The following FLT3 variants were observed in gnomAD, a reference collection of about 807,000 sequenced individuals.
The protein encoded by FLT3 is fms related receptor tyrosine kinase 3.
Under a neutral mutation model 126.6 loss-of-function variants are expected in FLT3, and 46 were observed. The observed-to-expected ratio is 0.36, with a 90% CI of 0.29 to 0.46. FLT3 has a LOEUF of 0.46. FLT3 is among the 20% of genes least tolerant of loss of function. FLT3 has a pLI of 1.00. For synonymous variants in FLT3, 404 were observed against 434.4 expected, an observed-to-expected ratio of 0.93 and a Z score of 0.87; for missense variants, 1,069 against 1,190.3, an observed-to-expected ratio of 0.90 and a Z score of 1.50.
chr13:28,028,710 TA>T (rs1463340406), intron 15 of FLT3, among the ~76,000 whole-genome samples: 6 of 151,060 alleles, frequency 4.0e-5, no homozygotes, highest in Non-Finnish European at 8.8e-5. Context: ...AATAAATAAA[TA>T]AATAAACAAA....
intron 3 of FLT3, among the ~76,000 whole-genome samples, chr13:28,057,693 G>A (rs1218878004): frequency 4.6e-5 from 7 of 151,960 alleles, no homozygotes; most frequent in East Asian, 1.9e-4. Flanking sequence ...GCTCCATTCC[G>A]GTGCCATCAT....
In FLT3 at chr13:28,035,630, T is replaced by C; in HGVS notation, c.1462A>G (p.Asn488Asp). 1.2e-6 allele frequency: 2 copies of C among 1,614,114 alleles called. No individual in the cohort carries two copies. The highest frequency in any genetic ancestry group is 2.2e-5 in the South Asian group (2 of 91,048). ...ACCCACTGTCCAAACACTTTTCTGT[T>C]AGCCTTTCTATTCCAGACTCCTTCT... ...ITEGVWNRKA[N>D]RKVFGQWVSS... Residue 488 changes from asparagine (N) to aspartate (D), a missense_variant, in exon 12 of 24, where the codon AAC becomes GAC. Transcript: ENST00000241453.
chr13:28,086,922 C>G (rs972517884), intron 1 of FLT3, among the ~76,000 whole-genome samples: 2 of 151,882 alleles, frequency 1.3e-5, no homozygotes, highest in African/African-American at 4.8e-5. Context: ...GCTAGGATTG[C>G]AGGCATGAAC....
Position 28,015,864 on chromosome 13 carries a change from A to G in FLT3, c.2542-163T>C, listed in dbSNP as rs564989039. Among the ~76,000 whole-genome samples the G allele has an allele frequency of 3.7e-4, 57 of 152,286 alleles. No homozygotes were observed. In the South Asian group the frequency reaches 0.012, roughly 31 times the overall value. Reference sequence around the variant, plus strand: ...GTGAAAGGTTTTCACTTTCAAATTAACATTCTAATAATACTAGCCTAAAAC... The same window carrying G: ...GTGAAAGGTTTTCACTTTCAAATTAGCATTCTAATAATACTAGCCTAAAAC... On this transcript the variant is annotated intron_variant, in intron 20 of 23. Transcript: ENST00000241453.
chr13:28,075,801 A>AT (rs34694672), intron 1 of FLT3, among the ~76,000 whole-genome samples: 102,525 of 146,150 alleles, frequency 0.7, 37,654 homozygotes, highest in East Asian at 0.95. Context: ...TCTCTTAGCA[A>AT]TTTTTTTTTT....
chr13:28,026,985 C>T, intron 17 of FLT3, 103 bp downstream of exon 17: 1 of 971,678 alleles, frequency 1.0e-6, no homozygotes, highest in South Asian at 1.6e-5. Context: ...GACCCACAGA[C>T]TTCACGGTGC....
At chr13:28,071,547 C>T (rs1877518537) in intron 1 of FLT3, among the ~76,000 whole-genome samples, 1 of 151,944 alleles carries the variant, frequency 6.6e-6, no homozygotes, top group Non-Finnish European at 1.5e-5. Flanking sequence ...AGATATTTTC[C>T]CCAAATGACT....
chr13:28,078,754 C>T (rs958488773), intron 1 of FLT3, among the ~76,000 whole-genome samples: 3 of 150,984 alleles, frequency 2.0e-5, no homozygotes, highest in African/African-American at 7.3e-5. Context: ...CACTCTGTCA[C>T]CCAGGCTGGA....
At chr13:28,039,023 A>G (rs942807627) in intron 9 of FLT3, among the ~76,000 whole-genome samples, 1 of 152,082 alleles carries the variant, frequency 6.6e-6, no homozygotes, top group African/African-American at 2.4e-5. Flanking sequence ...TAGAGGAGGT[A>G]GAGCTCGAGC....
At chr13:28,040,483 C>A (rs1485974221) in intron 9 of FLT3, among the ~76,000 whole-genome samples, 1 of 152,062 alleles carries the variant, frequency 6.6e-6, no homozygotes, top group Non-Finnish European at 1.5e-5. Context: ...GGGTGGACTG[C>A]TTGAGGCCAG....
intron 23 of FLT3, among the ~76,000 whole-genome samples, chr13:28,013,587 G>A (rs746695342): frequency 2.6e-5 from 4 of 152,180 alleles, no homozygotes; most frequent in African/African-American, 4.8e-5. Context: ...TGGGGGAAGC[G>A]TTAGCAAAGA....
chr13:28,033,851 G>A, intron 15 of FLT3, 36 bp downstream of exon 15: 1 of 1,468,032 alleles, frequency 6.8e-7, no homozygotes. Flanking sequence ...TCCCATTTTT[G>A]TGCATCTTTG....
chr13:28,026,080 G>A (rs1373568033), intron 17 of FLT3, among the ~76,000 whole-genome samples: 1 of 152,114 alleles, frequency 6.6e-6, no homozygotes, highest in Non-Finnish European at 1.5e-5. Context: ...GCCAGGTGCG[G>A]TGGCTCATGC....
intron 3 of FLT3, among the ~76,000 whole-genome samples, chr13:28,060,240 C>A (rs867055355): frequency 6.1e-3 from 684 of 112,616 alleles, no homozygotes; most frequent in Non-Finnish European, 7.2e-3. Flanking sequence ...ACTAAAAATA[C>A]AAAAAAAAAA....
intron 16 of FLT3, 119 bp downstream of exon 16, chr13:28,028,059 A>T: frequency 1.5e-6 from 1 of 650,954 alleles, no homozygotes; most frequent in Non-Finnish European, 2.8e-6. Context: ...GAGAGTTCAC[A>T]CTGTGACTGA....
Position 28,035,686 on chromosome 13 carries a change from AT to A in FLT3, c.1419-14del, listed in dbSNP as rs759759571. 4 of 1,596,060 alleles carry A rather than the reference AT, an allele frequency of 2.5e-6. No individual in the cohort carries two copies. The highest frequency in any genetic ancestry group is 3.4e-6 in the Non-Finnish European group (4 of 1,174,972). ...CTCTTCTGTGCAGCTGAAAAAAAAA[AT>A]AGCAAAGAATTTAGACAGGTGAGCT... On this transcript the variant is annotated splice_polypyrimidine_tract_variant and intron_variant, in intron 11 of 23. Coordinates refer to ENST00000241453, the MANE Select transcript of FLT3 (RefSeq NM_004119.3).
chr13:28,017,916 G>A (rs563430962), intron 20 of FLT3, among the ~76,000 whole-genome samples: 19 of 151,886 alleles, frequency 1.3e-4, no homozygotes, highest in East Asian at 1.9e-4. Flanking sequence ...TGCCCTCCTC[G>A]GCCTCCCAAA....
intron 9 of FLT3, among the ~76,000 whole-genome samples, chr13:28,045,512 G>A (rs746836869): frequency 7.9e-5 from 12 of 152,084 alleles, no homozygotes; most frequent in Non-Finnish European, 1.3e-4. Context: ...CAGGCCAAGT[G>A]GTAATCAAGT....
At chr13:28,028,110 A>C (rs1036481283) in intron 16 of FLT3, 68 bp downstream of exon 16, 9 of 752,804 alleles carry the variant, frequency 1.2e-5, no homozygotes, top group Non-Finnish European at 2.1e-5. Context: ...AGAGAGAGAG[A>C]GCAAACATCC....
Sources: allele counts gnomAD v4.1 joint callset (sites outside exome capture counted in the v4.1 genomes callset), GRCh38; gene constraint gnomAD v4.1.1; transcripts MANE v1.5; gene names NCBI Gene and HGNC (gene_info 2026-07-23, HGNC 2026-07-21).